Variants in EEIG2 observed in about 807,000 individuals in gnomAD.
The protein encoded by EEIG2 is EEIG family member 2.
At chr1:108,577,961 C>A in the EEIG2 span, among the ~76,000 whole-genome samples, 1 of 151,104 alleles carries the variant, frequency 6.6e-6, no homozygotes, top group South Asian at 2.1e-4. Context: ...TGTTTGTATC[C>A]TCTTTTATTT....
chr1:108,590,697 CT>C, the EEIG2 span, among the ~76,000 whole-genome samples: 3 of 152,132 alleles, frequency 2.0e-5, no homozygotes, highest in Non-Finnish European at 2.9e-5. Flanking sequence ...CTCTTAACCT[CT>C]ATGCAATACT....
chr1:108,619,471 C>T, the EEIG2 span, among the ~76,000 whole-genome samples: 1 of 152,248 alleles, frequency 6.6e-6, no homozygotes, highest in Non-Finnish European at 1.5e-5. Context: ...TTAGTTTTAT[C>T]AAGTTATATT....
chr1:108,578,564 G>A, the EEIG2 span, among the ~76,000 whole-genome samples: 1 of 148,870 alleles, frequency 6.7e-6, no homozygotes, highest in African/African-American at 2.5e-5. Context: ...TAATCATGTG[G>A]TTTTTGTCTT....
At chr1:108,578,764 A>G in the EEIG2 span, among the ~76,000 whole-genome samples, 1 of 150,322 alleles carries the variant, frequency 6.7e-6, no homozygotes, top group African/African-American at 2.5e-5. Flanking sequence ...TACAAGCCAG[A>G]AGAGAGTGGG....
At chr1:108,560,666 A>T in the EEIG2 span, 1 of 1,381,664 alleles carries the variant, frequency 7.2e-7, no homozygotes, top group Non-Finnish European at 9.7e-7. Context: ...TTCCCTAGGG[A>T]CCGCTCTAAA....
chr1:108,631,983 G>A, the EEIG2 span, among the ~76,000 whole-genome samples: 48 of 151,656 alleles, frequency 3.2e-4, no homozygotes, highest in African/African-American at 7.3e-4. Flanking sequence ...GTGTGGTGGC[G>A]GGCGCCTGTA....
the EEIG2 span, among the ~76,000 whole-genome samples, chr1:108,601,116 TA>T: frequency 1.3e-5 from 2 of 152,280 alleles, no homozygotes; most frequent in South Asian, 2.1e-4. Context: ...ACATAGTTAA[TA>T]AATGGCAAAG....
the EEIG2 span, among the ~76,000 whole-genome samples, chr1:108,575,985 T>C: frequency 6.6e-6 from 1 of 152,198 alleles, no homozygotes; most frequent in Admixed American, 6.5e-5. Flanking sequence ...TATATCTCAG[T>C]AAAGCAGGCT....
At chr1:108,616,674 A>G in the EEIG2 span, among the ~76,000 whole-genome samples, 2 of 152,170 alleles carry the variant, frequency 1.3e-5, no homozygotes, top group Non-Finnish European at 2.9e-5. Context: ...GTAAAATTAT[A>G]TAAGCAAAAA....
the EEIG2 span, among the ~76,000 whole-genome samples, chr1:108,579,343 A>T: frequency 0.77 from 77,765 of 100,562 alleles, 32,042 homozygotes; most frequent in Non-Finnish European, 0.92. Context: ...GAGACAAAGA[A>T]GGCCATTACA....
chr1:108,567,862 G>A, the EEIG2 span, among the ~76,000 whole-genome samples: 3 of 152,142 alleles, frequency 2.0e-5, no homozygotes, highest in Admixed American at 1.3e-4. Context: ...GCTGGGTTTC[G>A]TGGCATGCAC....
the EEIG2 span, among the ~76,000 whole-genome samples, chr1:108,621,825 AG>A: frequency 1.4e-5 from 2 of 142,964 alleles, no homozygotes; most frequent in Non-Finnish European, 3.0e-5. Flanking sequence ...TATTTAATGC[AG>A]GGTGTTTTTT....
At chr1:108,611,989 A>T in the EEIG2 span, among the ~76,000 whole-genome samples, 1 of 152,216 alleles carries the variant, frequency 6.6e-6, no homozygotes, top group Non-Finnish European at 1.5e-5. Context: ...GAATAAATAA[A>T]TTCATATAAA....
At chr1:108,616,511 G>A in the EEIG2 span, 5 of 923,296 alleles carry the variant, frequency 5.4e-6, no homozygotes, top group African/African-American at 1.7e-5. Context: ...TTAATATTTT[G>A]TAGTGCTTAT....
the EEIG2 span, chr1:108,631,130 C>A: frequency 2.5e-6 from 1 of 399,214 alleles, no homozygotes; most frequent in Non-Finnish European, 5.0e-6. Context: ...TTGATTGACT[C>A]ATCTGCTTAT....
chr1:108,605,426 C>T, the EEIG2 span, among the ~76,000 whole-genome samples: 2 of 152,252 alleles, frequency 1.3e-5, no homozygotes, highest in South Asian at 4.1e-4. Context: ...TTTGTATTCA[C>T]TGCTTGAAAG....
chr1:108,612,319 G>A, the EEIG2 span: 4 of 1,476,684 alleles, frequency 2.7e-6, no homozygotes, highest in Middle Eastern at 1.8e-4. Flanking sequence ...GGATTTACTT[G>A]TCAAGAATAA....
At chr1:108,628,216 A>G in the EEIG2 span, 1 of 1,614,188 alleles carries the variant, frequency 6.2e-7, no homozygotes, top group Non-Finnish European at 8.5e-7. Flanking sequence ...GTGCCTGTGG[A>G]CATTCTAGAA....
At chr1:108,575,993 G>C in the EEIG2 span, among the ~76,000 whole-genome samples, 4 of 152,098 alleles carry the variant, frequency 2.6e-5, no homozygotes, top group Non-Finnish European at 5.9e-5. Context: ...AGTAAAGCAG[G>C]CTTTTCCATT....
Sources: gnomAD v4.1 joint callset for allele counts (sites outside exome capture counted in the v4.1 genomes callset) on GRCh38, gnomAD v4.1.1 for gene constraint, MANE v1.5 for transcripts, NCBI Gene and HGNC (gene_info 2026-07-23, HGNC 2026-07-21) for gene names.